The following OPHN1 variants were observed in gnomAD, a reference collection of about 807,000 sequenced individuals.
OPHN1 encodes oligophrenin-1.
A neutral mutation model predicts 60.7 loss-of-function variants in OPHN1; 11 were observed. The ratio of observed to expected loss-of-function variants is 0.18; its 90% CI spans 0.11 to 0.30. OPHN1 has a LOEUF of 0.30. OPHN1 is among the 10% of genes least tolerant of loss of function. The pLI is 1.00. For synonymous variants in OPHN1, 226 were observed against 222.6 expected (o/e 1.02, Z -0.14); for missense variants, 449 against 611.0 (o/e 0.73, Z 2.80).
intron 4 of OPHN1, among the ~76,000 whole-genome samples, chrX:68,275,609 C>A (rs1278719661): frequency 1.8e-5 from 2 of 111,363 alleles, no homozygotes; most frequent in Admixed American, 1.9e-4. Flanking sequence ...TTTTGGGAAT[C>A]ATTGCATTAA....
intron 5 of OPHN1, among the ~76,000 whole-genome samples, chrX:68,267,455 A>C (rs2077937156): frequency 1.8e-5 from 2 of 112,381 alleles, no homozygotes; most frequent in African/African-American, 3.2e-5. Flanking sequence ...ATGAAGGCAG[A>C]AATAAAGATG....
intron 6 of OPHN1, among the ~76,000 whole-genome samples, chrX:68,221,930 G>A (rs2077661504): frequency 9.9e-6 from 1 of 101,516 alleles, no homozygotes; most frequent in East Asian, 3.2e-4. Context: ...TGACAAATGG[G>A]ATCTAATTAA....
At chrX:68,273,432 T>C (rs767466152) in intron 5 of OPHN1, among the ~76,000 whole-genome samples, 5 of 111,857 alleles carry the variant, frequency 4.5e-5, no homozygotes, top group Non-Finnish European at 9.4e-5. Flanking sequence ...TGAAAATTAT[T>C]AACATCCCTT....
chrX:68,220,376 T>C (rs1161308605), intron 6 of OPHN1, among the ~76,000 whole-genome samples: 2 of 111,169 alleles, frequency 1.8e-5, no homozygotes, highest in African/African-American at 6.5e-5. Flanking sequence ...GTACTATTCC[T>C]TCTGAAACTA....
At chrX:68,222,621 C>T (rs1349552309) in intron 6 of OPHN1, among the ~76,000 whole-genome samples, 1 of 107,327 alleles carries the variant, frequency 9.3e-6, no homozygotes, top group Non-Finnish European at 1.9e-5. Flanking sequence ...AGTTCATGTC[C>T]TTTGTAGGGA....
chrX:68,209,994 T>C (rs78850674), intron 9 of OPHN1, 159 bp downstream of exon 9: 2 of 37,334 alleles, frequency 5.4e-5, no homozygotes, highest in Non-Finnish European at 8.2e-5. Flanking sequence ...AGTTTCTCCT[T>C]TTTTTTTTTT....
intron 5 of OPHN1, among the ~76,000 whole-genome samples, chrX:68,248,814 T>C (rs1230504471): frequency 8.9e-6 from 1 of 111,797 alleles, no homozygotes; most frequent in Non-Finnish European, 1.9e-5. Context: ...GAACTGGAGA[T>C]CATTATATTA....
At chrX:68,268,093 CTACAGAATACAGAGG>C (rs961602413) in intron 5 of OPHN1, among the ~76,000 whole-genome samples, 26 of 111,231 alleles carry the variant, frequency 2.3e-4, no homozygotes, top group African/African-American at 5.2e-4. Flanking sequence ...CAGCCGAATT[CTACAGAATACAGAGG>C]TACAGAATAC....
chrX:68,158,146 T>C (rs959382861), intron 15 of OPHN1, among the ~76,000 whole-genome samples: 10 of 111,790 alleles, frequency 8.9e-5, no homozygotes, highest in Non-Finnish European at 1.9e-4. Context: ...TGGGAAAGTT[T>C]CTGCAATAAG....
intron 15 of OPHN1, among the ~76,000 whole-genome samples, chrX:68,130,545 A>G (rs1298592173): frequency 2.7e-5 from 3 of 111,767 alleles, no homozygotes; most frequent in African/African-American, 9.8e-5. Flanking sequence ...ATCATAGTAT[A>G]TAGCCATTAA....
At chrX:68,194,390 T>G in intron 13 of OPHN1, 75 bp downstream of exon 13, 1 of 851,935 alleles carries the variant, frequency 1.2e-6, no homozygotes, top group Non-Finnish European at 1.8e-6. Flanking sequence ...TACACATCAT[T>G]AATGATGGTA....
At chrX:68,074,106 C>A (rs907017452) in intron 19 of OPHN1, among the ~76,000 whole-genome samples, 1 of 111,598 alleles carries the variant, frequency 9.0e-6, no homozygotes, top group Admixed American at 9.5e-5. Context: ...GGATGATACA[C>A]ATATGTGATG....
intron 2 of OPHN1, among the ~76,000 whole-genome samples, chrX:68,406,038 C>T (rs1192382685): frequency 2.8e-5 from 3 of 108,127 alleles, no homozygotes; most frequent in African/African-American, 1.0e-4. Context: ...TAGTAAGCTA[C>T]TCAGGAGGCT....
At chrX:68,153,951 G>T (rs760786579) in intron 15 of OPHN1, among the ~76,000 whole-genome samples, 4 of 111,656 alleles carry the variant, frequency 3.6e-5, no homozygotes, top group African/African-American at 1.3e-4. Context: ...ATGTATACAG[G>T]TTATAGATCT....
chrX:68,263,186 T>G (rs899714028), intron 5 of OPHN1, among the ~76,000 whole-genome samples: 4 of 111,673 alleles, frequency 3.6e-5, no homozygotes, highest in Non-Finnish European at 7.5e-5. Context: ...ATTCTCTGTG[T>G]TATTTTGTTC....
At chrX:68,148,185 G>A (rs890384765) in intron 15 of OPHN1, among the ~76,000 whole-genome samples, 2 of 110,954 alleles carry the variant, frequency 1.8e-5, no homozygotes, top group Non-Finnish European at 3.8e-5. Flanking sequence ...ATTTGGAAAA[G>A]TGAACATGGA....
chrX:68,236,116 G>A (rs1192066596), intron 5 of OPHN1, among the ~76,000 whole-genome samples: 1 of 111,045 alleles, frequency 9.0e-6, no homozygotes, highest in African/African-American at 3.3e-5. Flanking sequence ...TATCATGGGT[G>A]GAATAACATT....
chrX:68,210,532 C>T (rs1411575369), intron 8 of OPHN1, among the ~76,000 whole-genome samples: 1 of 111,733 alleles, frequency 8.9e-6, no homozygotes, highest in Non-Finnish European at 1.9e-5. Context: ...AGGCTTTTTA[C>T]TAATACGAAT....
intron 2 of OPHN1, among the ~76,000 whole-genome samples, chrX:68,359,943 T>C (rs1485183632): frequency 3.7e-5 from 4 of 109,234 alleles, no homozygotes; most frequent in Non-Finnish European, 7.6e-5. Context: ...GGCTGAAATG[T>C]AATTGCTCTG....
Sources: allele counts gnomAD v4.1 joint callset (sites outside exome capture counted in the v4.1 genomes callset), GRCh38; gene constraint gnomAD v4.1.1; transcripts MANE v1.5; gene names NCBI Gene and HGNC (gene_info 2026-07-23, HGNC 2026-07-21).